The following PI4KA variants were observed in gnomAD, a reference collection of about 807,000 sequenced individuals.
PI4KA encodes the protein phosphatidylinositol 4-kinase alpha.
In PI4KA, 122 loss-of-function variants were observed where a neutral mutation model predicts 271.4. The observed-to-expected ratio is 0.45, with a 90% confidence interval of 0.39 to 0.52. PI4KA has a LOEUF of 0.52. PI4KA is among the 20% of genes least tolerant of loss of function. PI4KA has a pLI of 0.00. For missense variants in PI4KA, 1,969 were observed against 2,769.1 expected, an observed-to-expected ratio of 0.71 and a Z score of 6.48; for synonymous variants, 1,041 against 1,078.8, an observed-to-expected ratio of 0.96 and a Z score of 0.69.
intron 10 of PI4KA, 120 bp downstream of exon 10, chr22:20,807,242 A>G (rs1469205088): frequency 6.1e-6 from 4 of 651,126 alleles, no homozygotes; most frequent in African/African-American, 1.8e-5. Flanking sequence ...CACTTTGCTC[A>G]TATGTGTTTT....
At chr22:20,827,368 G>A (rs1237665105) in intron 3 of PI4KA, among the ~76,000 whole-genome samples, 7 of 152,068 alleles carry the variant, frequency 4.6e-5, no homozygotes, top group Non-Finnish European at 7.4e-5. Context: ...TTCCAGGTGT[G>A]CAGCATTATT....
At chr22:20,819,368 ATAATGGCGATAAGGCTTTTTTTT>A (rs1453511045) in intron 6 of PI4KA, among the ~76,000 whole-genome samples, 2 of 151,600 alleles carry the variant, frequency 1.3e-5, no homozygotes, top group African/African-American at 4.9e-5. Context: ...GTATGGGAAC[ATAATGGCGATAAGGCTTTTTTTT>A]TAGAGGCCTT....
At chr22:20,712,892 G>C (rs1925495502) in intron 48 of PI4KA, 95 bp from the exon 49 acceptor site, 2 of 1,546,252 alleles carry the variant, frequency 1.3e-6, no homozygotes, top group African/African-American at 1.4e-5. Context: ...AGCACCCAGA[G>C]ATGGAGTGAG....
At chr22:20,765,285 C>T (rs368529494) in intron 20 of PI4KA, 49 bp from the exon 21 acceptor site, 2 of 1,546,978 alleles carry the variant, frequency 1.3e-6, no homozygotes, top group Non-Finnish European at 1.8e-6. Context: ...TCGGAAAGCA[C>T]TGCAGTGAGG....
At chr22:20,772,081 C>T (rs1490894591) in intron 19 of PI4KA, among the ~76,000 whole-genome samples, 1 of 152,184 alleles carries the variant, frequency 6.6e-6, no homozygotes, top group South Asian at 2.1e-4. Flanking sequence ...CATTCATTAA[C>T]CTCATTTAAT....
At position 20,804,884 on chromosome 22, in the gene PI4KA, T is replaced by C. The variant is rs530441013; in HGVS notation, c.1360+90A>G. On this transcript the variant is annotated intron_variant, in intron 11 of 54. Transcript: ENST00000255882. ...TGCCTGTGCTGGTAACAGAGCCAAG[T>C]GTTCTAGAAGTAGTTTGGGGAAACT... 35 of 1,044,392 alleles carry C rather than the reference T, an allele frequency of 3.4e-5. No individual in the cohort carries two copies. The East Asian group carries it at 8.1e-4, about 24-fold the overall frequency. The allele number at this position is 1,044,392 out of a possible 1,614,324, so 64.7% of individuals were successfully genotyped here. A position where few individuals can be genotyped will look rare whatever the true frequency, so the allele number is the denominator to read the frequency against.
chr22:20,774,786 G>C (rs936589187), intron 19 of PI4KA, among the ~76,000 whole-genome samples: 1 of 148,518 alleles, frequency 6.7e-6, no homozygotes, highest in African/African-American at 2.5e-5. Flanking sequence ...GAAGAAAAAA[G>C]AAAAAATGTT....
intron 1 of PI4KA, among the ~76,000 whole-genome samples, chr22:20,856,881 C>A (rs1350549117): frequency 6.6e-6 from 1 of 152,164 alleles, no homozygotes; most frequent in African/African-American, 2.4e-5. Context: ...GGAAAGGGTG[C>A]TACCACTGCT....
At chr22:20,763,016 T>TG (rs764908841) in intron 22 of PI4KA, among the ~76,000 whole-genome samples, 360 of 14,100 alleles carry the variant, frequency 0.026, 7 homozygotes, top group Non-Finnish European at 0.032. Context: ...GCTTTTTTTT[T>TG]TGGGGGGGGG....
At chr22:20,802,717 C>G (rs1935399963) in intron 13 of PI4KA, among the ~76,000 whole-genome samples, 1 of 152,162 alleles carries the variant, frequency 6.6e-6, no homozygotes, top group Non-Finnish European at 1.5e-5. Flanking sequence ...TTAAACTGCT[C>G]TGACTTTAAG....
At chr22:20,738,525 G>A (rs991616568) in intron 32 of PI4KA, among the ~76,000 whole-genome samples, 1 of 152,204 alleles carries the variant, frequency 6.6e-6, no homozygotes, top group African/African-American at 2.4e-5. Context: ...AACAGCAAGT[G>A]TGACATCTCT....
intron 7 of PI4KA, 33 bp downstream of exon 7, chr22:20,818,450 C>T (rs746177600): frequency 6.6e-6 from 10 of 1,520,202 alleles, no homozygotes; most frequent in East Asian, 2.4e-5. Flanking sequence ...CCAAGTATTA[C>T]GTCAAAATAT....
intron 43 of PI4KA, among the ~76,000 whole-genome samples, chr22:20,720,085 T>G (rs976819178): frequency 1.6e-4 from 17 of 106,942 alleles, no homozygotes; most frequent in African/African-American, 6.0e-4. Flanking sequence ...TGTGAACAAA[T>G]ATGATTTTTC....
chr22:20,850,389 T>C (rs1376124409), intron 1 of PI4KA, among the ~76,000 whole-genome samples: 1 of 151,898 alleles, frequency 6.6e-6, no homozygotes, highest in African/African-American at 2.4e-5. Context: ...CTGACTGTGG[T>C]GGCGCATGCT....
intron 1 of PI4KA, among the ~76,000 whole-genome samples, chr22:20,849,812 C>T (rs1015935915): frequency 1.2e-4 from 19 of 152,232 alleles, no homozygotes; most frequent in Admixed American, 6.5e-4. Flanking sequence ...CGAGATCGCG[C>T]CACTGCACTC....
At chr22:20,839,483 G>A (rs757004609) in intron 1 of PI4KA, among the ~76,000 whole-genome samples, 5 of 152,150 alleles carry the variant, frequency 3.3e-5, no homozygotes, top group Admixed American at 6.6e-5. Flanking sequence ...CCTTGACCAC[G>A]AACAGGTTAC....
intron 19 of PI4KA, among the ~76,000 whole-genome samples, chr22:20,780,719 T>G (rs968110016): frequency 1.4e-5 from 2 of 140,370 alleles, no homozygotes; most frequent in African/African-American, 5.4e-5. Context: ...GAGATTGCAG[T>G]GAGCCGAGAC....
At chr22:20,771,511 T>C (rs1932872917) in intron 19 of PI4KA, among the ~76,000 whole-genome samples, 1 of 152,096 alleles carries the variant, frequency 6.6e-6, no homozygotes, top group Admixed American at 6.6e-5. Context: ...AAATCAAATT[T>C]TTCCAATAGT....
chr22:20,814,782 A>G (rs1330911223), intron 7 of PI4KA, among the ~76,000 whole-genome samples: 1 of 151,900 alleles, frequency 6.6e-6, no homozygotes, highest in Non-Finnish European at 1.5e-5. Context: ...ATTTTATGTT[A>G]TGTGTATTTT....
Sources: gnomAD v4.1 joint callset for allele counts (sites outside exome capture counted in the v4.1 genomes callset) on GRCh38, gnomAD v4.1.1 for gene constraint, MANE v1.5 for transcripts, NCBI Gene and HGNC (gene_info 2026-07-23, HGNC 2026-07-21) for gene names.